REL: variants seen among roughly 807,000 people sequenced by gnomAD.
The protein encoded by REL is proto-oncogene c-Rel.
A neutral mutation model predicts 45.9 loss-of-function variants in REL; 15 were observed. That is an observed-to-expected ratio of 0.33 (90% CI 0.22 to 0.50). The LOEUF is 0.50. REL is among the 20% of genes least tolerant of loss of function. The pLI, the probability that REL is intolerant of heterozygous loss-of-function variation, is 0.98. For synonymous variants in REL, 239 were observed against 242.1 expected (o/e 0.99, Z 0.12); for missense variants, 601 against 715.2 (o/e 0.84, Z 1.82).
intron 1 of REL, among the ~76,000 whole-genome samples, chr2:60,882,800 A>G (rs933118519): frequency 6.6e-6 from 1 of 152,358 alleles, no homozygotes; most frequent in African/African-American, 2.4e-5. Context: ...GAGTTTTAGA[A>G]TATCCGAGCT....
chr2:60,896,224 G>C (rs758340319), intron 3 of REL, among the ~76,000 whole-genome samples: 1 of 152,056 alleles, frequency 6.6e-6, no homozygotes, highest in Admixed American at 6.6e-5. Flanking sequence ...GGCTGGGCTG[G>C]TCTCGAATTC....
intron 3 of REL, among the ~76,000 whole-genome samples, chr2:60,897,772 G>GT (rs1673388363): frequency 1.3e-5 from 2 of 151,002 alleles, no homozygotes; most frequent in South Asian, 4.2e-4. Flanking sequence ...CATGCCTGTA[G>GT]TTACAGCTAC....
rs1384541166 is a variant in REL, at chr2:60,881,575, C to T, written c.-266C>T. 2.1e-6 allele frequency: 1 copy of T among 475,312 alleles called. No individual in the cohort carries two copies. The highest frequency in any genetic ancestry group is 3.7e-6 in the Non-Finnish European group (1 of 266,770). The allele number at this position is 475,312 out of a possible 1,614,324, so 29.4% of individuals were successfully genotyped here. A position where few individuals can be genotyped will look rare whatever the true frequency, so the allele number is the denominator to read the frequency against. ...TGCTCGCCTCTCGGCTGGGCCAGCA[C>T]TCGGCTCTCCCCGCTCCGCCCCCTG... is the stretch of plus-strand genomic sequence containing the variant. On this transcript the variant is annotated 5_prime_UTR_variant, in exon 1 of 10. Coordinates refer to ENST00000394479, the MANE Select transcript of REL (RefSeq NM_001291746.2).
chr2:60,907,386 C>T (rs2103960246), intron 4 of REL, among the ~76,000 whole-genome samples: 1 of 152,220 alleles, frequency 6.6e-6, no homozygotes, highest in East Asian at 1.9e-4. Flanking sequence ...GTGGCTCATG[C>T]CTGTAATCCC....
intron 7 of REL, among the ~76,000 whole-genome samples, chr2:60,919,499 C>T (rs1334040214): frequency 6.6e-6 from 1 of 152,170 alleles, no homozygotes; most frequent in African/African-American, 2.4e-5. Flanking sequence ...AATCCTGGCT[C>T]ACTGCAGCTT....
rs1674299725 is a variant in REL at position 60,927,726 on chromosome 2, A to C, written c.*5191A>C. ...GATGTCAGTCTTTTTCTTTGCAAGG[A>C]TAACACATGTAGAGTAAAATGCATA... is the stretch of plus-strand genomic sequence containing the variant. On this transcript the variant is annotated 3_prime_UTR_variant, in exon 10 of 10. Transcript: ENST00000394479. 4.4e-6 allele frequency: 1 copy of C among 229,272 alleles called. No individual in the cohort carries two copies. Among genetic ancestry groups the C allele is most frequent in the Non-Finnish European group, 8.7e-6 (1 of 115,582 alleles). The allele number at this position is 229,272 out of a possible 1,614,324, so 14.2% of individuals were successfully genotyped here.
In REL at chr2:60,907,225, C is replaced by T. The variant is rs146471624; in HGVS notation, c.394+6142C>T. Among the ~76,000 whole-genome samples the T allele has an allele frequency of 9.4e-3, 1,428 of 152,076 alleles. 8 individuals carry two copies. Among genetic ancestry groups the T allele is most frequent in the Admixed American group, 0.013 (203 of 15,284 alleles). ...GTGAGCCACCGCACCCAGCCAGTAC[C>T]TGTACATATTTCTAATATGGTTTGC... On this transcript the variant is annotated intron_variant, in intron 4 of 9. Transcript: ENST00000394479.
At chr2:60,918,126 C>A in intron 5 of REL, 65 bp from the exon 6 acceptor site, 1 of 963,938 alleles carries the variant, frequency 1.0e-6, no homozygotes, top group Non-Finnish European at 1.6e-6. Context: ...AAATTCTTCC[C>A]TGCAAAAAGA....
intron 1 of REL, among the ~76,000 whole-genome samples, chr2:60,882,280 G>C (rs544270545): frequency 6.6e-6 from 1 of 152,258 alleles, no homozygotes; most frequent in African/African-American, 2.4e-5. Flanking sequence ...GATCCCCCTT[G>C]TACTGACAGT....
At chr2:60,914,105 A>G (rs1435089698) in intron 4 of REL, among the ~76,000 whole-genome samples, 1 of 152,232 alleles carries the variant, frequency 6.6e-6, no homozygotes, top group Admixed American at 6.5e-5. Context: ...AATGATTATC[A>G]TGTAAGATTT....
At chr2:60,900,170 A>G (rs1012769242) in intron 3 of REL, 3 of 152,216 alleles carry the variant, frequency 2.0e-5, no homozygotes, top group African/African-American at 7.2e-5. Flanking sequence ...AAAATGTACA[A>G]GAGAAGCCGG....
At chr2:60,905,337 G>A (rs886579751) in intron 4 of REL, among the ~76,000 whole-genome samples, 5 of 151,830 alleles carry the variant, frequency 3.3e-5, no homozygotes, top group South Asian at 2.1e-4. Flanking sequence ...CTTGTGATCC[G>A]CCCGCCTCAG....
intron 1 of REL, among the ~76,000 whole-genome samples, chr2:60,882,895 TG>T (rs1449087690): frequency 6.6e-6 from 1 of 151,864 alleles, no homozygotes. Flanking sequence ...TCTCTCCCTT[TG>T]GGGGGGAATA....
At chr2:60,904,073 C>T (rs917703608) in intron 4 of REL, among the ~76,000 whole-genome samples, 10 of 151,810 alleles carry the variant, frequency 6.6e-5, no homozygotes, top group Non-Finnish European at 1.0e-4. Context: ...TAACAGCCTA[C>T]GAAATAGGTA....
At chr2:60,907,927 C>T (rs1352794848) in intron 4 of REL, among the ~76,000 whole-genome samples, 1 of 151,802 alleles carries the variant, frequency 6.6e-6, no homozygotes, top group East Asian at 1.9e-4. Context: ...CTCCTGATCT[C>T]GTGTTCCGTC....
intron 9 of REL, 46 bp from the exon 10 acceptor site, chr2:60,921,717 A>T: frequency 6.7e-7 from 1 of 1,498,240 alleles, no homozygotes; most frequent in African/African-American, 1.4e-5. Flanking sequence ...TGCTTTTTAT[A>T]ATTTTGTTCA....
At chr2:60,910,482 CAAAAAAAA>C (rs11311284) in intron 4 of REL, among the ~76,000 whole-genome samples, 22 of 138,352 alleles carry the variant, frequency 1.6e-4, no homozygotes, top group Non-Finnish European at 3.2e-4. Context: ...AAACAAAAAA[CAAAAAAAA>C]AAAAAACATA....
At chr2:60,885,741 A>G (rs1250470688) in intron 1 of REL, among the ~76,000 whole-genome samples, 1 of 152,196 alleles carries the variant, frequency 6.6e-6, no homozygotes, top group Admixed American at 6.5e-5. Context: ...TGGCTCCTTT[A>G]GGTCTCAGGC....
In REL at chr2:60,921,783, G is replaced by C. The variant is rs1355148665; in HGVS notation, c.1012G>C (p.Asp338His). Residue 338 changes from aspartate to histidine, a missense_variant, in exon 10 of 10, where the codon GAT becomes CAT. Physicochemically the swap from Asp to His is moderately conservative, Grantham distance 81 (BLOSUM62 -1). Around this residue, in one of 4 missense-constraint regions of REL, gnomAD observed 334 missense variants for 333.1 expected, o/e 1.00. Transcript: ENST00000394479. ...CACAGAACCAAACTTGTTTTCTCAT[G>C]ATGCAGTTGTGAGAGAAATGCCTAC... Reference protein sequence around the residue: ...FKKEPNLFSHDAVVREMPTGV... With the variant: ...FKKEPNLFSHHAVVREMPTGV... 1.9e-6 allele frequency: 3 copies of C among 1,603,026 alleles called. No individual in the cohort carries two copies. The African/African-American group carries it at 4.0e-5, about 21-fold the overall frequency.
Sources: gnomAD v4.1 joint callset for allele counts (sites outside exome capture counted in the v4.1 genomes callset) on GRCh38, gnomAD v4.1.1 for gene constraint, gnomAD v4.1.1 regional missense constraint, MANE v1.5 for transcripts, NCBI Gene and HGNC (gene_info 2026-07-23, HGNC 2026-07-21) for gene names.